The following NR6A1 variants were observed in gnomAD, a reference collection of about 807,000 sequenced individuals.
The protein encoded by NR6A1 is nuclear receptor subfamily 6 group A member 1.
A neutral mutation model predicts 59.1 loss-of-function variants in NR6A1; 7 were observed. That is an observed-to-expected ratio of 0.12 (90% CI 0.07 to 0.22). NR6A1 has a LOEUF of 0.22. Among genes scored for constraint, NR6A1 ranks in the 10% least tolerant of loss-of-function variants. The probability of loss-of-function intolerance (pLI) is 1.00; values close to 1 mark genes in which losing one functional copy is unlikely to be tolerated. For missense variants in NR6A1, 468 were observed against 611.6 expected, an observed-to-expected ratio of 0.77 and a Z score of 2.48; for synonymous variants, 243 against 236.1, an observed-to-expected ratio of 1.03 and a Z score of -0.27.
intron 2 of NR6A1, among the ~76,000 whole-genome samples, chr9:124,588,736 C>T (rs1267416724): frequency 6.8e-6 from 1 of 146,990 alleles, no homozygotes; most frequent in Admixed American, 6.7e-5. Context: ...TGGCTAACAA[C>T]GTGAAACCCC....
intron 2 of NR6A1, among the ~76,000 whole-genome samples, chr9:124,560,364 G>A (rs1834049527): frequency 6.6e-6 from 1 of 151,844 alleles, no homozygotes; most frequent in South Asian, 2.1e-4. Flanking sequence ...GAAATATTTG[G>A]GGATCTGGGT....
intron 2 of NR6A1, among the ~76,000 whole-genome samples, chr9:124,629,991 C>T (rs115256562): frequency 1.2e-3 from 181 of 152,258 alleles, no homozygotes; most frequent in African/African-American, 3.8e-3. Flanking sequence ...TTTTGAGATA[C>T]TAAAGTAGTA....
chr9:124,720,127 G>A (rs188512136), intron 2 of NR6A1, among the ~76,000 whole-genome samples: 160 of 151,924 alleles, frequency 1.1e-3, no homozygotes, highest in African/African-American at 3.4e-3. Context: ...AGCTCACTGC[G>A]GCCTCCACCT....
intron 5 of NR6A1, among the ~76,000 whole-genome samples, chr9:124,539,348 A>G (rs1358562700): frequency 3.3e-5 from 5 of 152,222 alleles, no homozygotes; most frequent in Non-Finnish European, 7.3e-5. Flanking sequence ...CATAATGTCC[A>G]TGGCCATAGC....
chr9:124,583,765 T>A (rs978761077), intron 2 of NR6A1, among the ~76,000 whole-genome samples: 2 of 152,160 alleles, frequency 1.3e-5, no homozygotes, highest in Admixed American at 6.6e-5. Context: ...CTGGCAAACA[T>A]CTATCAGTCT....
At chr9:124,559,272 C>T (rs750221788) in intron 2 of NR6A1, among the ~76,000 whole-genome samples, 15 of 152,204 alleles carry the variant, frequency 9.9e-5, no homozygotes, top group Non-Finnish European at 1.8e-4. Context: ...TTGCCCCATA[C>T]TCTTACTTGC....
At chr9:124,527,757 TAGGAGTGAGCTCTCTG>T (rs11283882) in intron 7 of NR6A1, among the ~76,000 whole-genome samples, 3,587 of 152,298 alleles carry the variant, frequency 0.024, 128 homozygotes, top group African/African-American at 0.081. Flanking sequence ...TCTTTGGGTC[TAGGAGTGAGCTCTCTG>T]AGGAAAGACC....
At chr9:124,655,666 G>A (rs1837237204) in intron 2 of NR6A1, among the ~76,000 whole-genome samples, 2 of 152,128 alleles carry the variant, frequency 1.3e-5, no homozygotes, top group African/African-American at 2.4e-5. Context: ...GTATGTATTA[G>A]GTGTCATCCA....
intron 1 of NR6A1, among the ~76,000 whole-genome samples, chr9:124,746,550 T>C (rs1398909400): frequency 2.0e-5 from 3 of 151,864 alleles, no homozygotes; most frequent in Non-Finnish European, 2.9e-5. Context: ...GATTGCCTAC[T>C]GCACTCCAGC....
At position 124,543,464 on chromosome 9, in the gene NR6A1, G is replaced by A. The variant is rs202060891; in HGVS notation, c.441+338C>T. ...ATATTTTTTAGATGAAATGAACAAA[G>A]CAAAGTAGTCTTGCTCATTTCTGCC... On this transcript the variant is annotated intron_variant, in intron 4 of 9. Transcript: ENST00000487099. 1.1e-4 allele frequency among the ~76,000 whole-genome samples: 16 copies of A among 152,224 alleles called. No homozygotes were observed. The East Asian group carries it at 2.1e-3, about 20-fold the overall frequency.
rs922378385 is a variant in NR6A1 at position 124,666,275 on chromosome 9, C to CTTTTTTT, written c.142+67026_142+67032dup. 1.6e-3 allele frequency among the ~76,000 whole-genome samples: 164 copies of CTTTTTTT among 103,038 alleles called. 11 individuals are homozygous for CTTTTTTT. The highest frequency in any genetic ancestry group is 6.4e-3 in the African/African-American group (147 of 23,002). 67.6% of individuals were successfully genotyped at this position (103,038 alleles called of 152,430 possible). On this transcript the variant is annotated intron_variant, in intron 2 of 9. Coordinates refer to ENST00000487099, the MANE Select transcript of NR6A1 (RefSeq NM_033334.4). ...TTGGCGGAATTACCTCTATGTGGTTCTTTTTTTTTTTTTTTTTTTTTGAGA... is the reference window on the plus strand; with the variant it reads ...TTGGCGGAATTACCTCTATGTGGTTCTTTTTTTTTTTTTTTTTTTTTTTTTTTTGAGA...
At chr9:124,604,568 G>C (rs1385233754) in intron 2 of NR6A1, among the ~76,000 whole-genome samples, 1 of 152,178 alleles carries the variant, frequency 6.6e-6, no homozygotes, top group East Asian at 1.9e-4. Context: ...CCGCACTTTG[G>C]GACGCTGAGG....
At chr9:124,534,178 T>G (rs1197222064) in intron 7 of NR6A1, among the ~76,000 whole-genome samples, 2 of 151,776 alleles carry the variant, frequency 1.3e-5, no homozygotes, top group South Asian at 2.1e-4. Context: ...GTTCAAGCGA[T>G]TCTCCTGCCT....
chr9:124,768,411 T>G (rs1021759291), intron 1 of NR6A1, among the ~76,000 whole-genome samples: 1 of 152,190 alleles, frequency 6.6e-6, no homozygotes, highest in Admixed American at 6.5e-5. Context: ...TTAAAAAAAT[T>G]TTTGGCAATT....
chr9:124,578,073 A>AT (rs1239793392), intron 2 of NR6A1, among the ~76,000 whole-genome samples: 11 of 152,322 alleles, frequency 7.2e-5, no homozygotes, highest in African/African-American at 2.6e-4. Flanking sequence ...CCAAGACAAT[A>AT]GTCTTCTGCT....
At position 124,689,671 on chromosome 9, in the gene NR6A1, A is replaced by G. The variant is rs527895344; in HGVS notation, c.142+43637T>C. Among the ~76,000 whole-genome samples, 3 of 152,250 alleles carry G rather than the reference A, an allele frequency of 2.0e-5. No individual in the cohort carries two copies. In the South Asian group the frequency reaches 6.2e-4, roughly 32 times the overall value. ...TGAGACATTAATCTCACTACTCACC[A>G]TTACCTAAACATTTCTGCCTCTAAG... On this transcript the variant is annotated intron_variant, in intron 2 of 9. Coordinates refer to ENST00000487099, the MANE Select transcript of NR6A1 (RefSeq NM_033334.4).
intron 2 of NR6A1, among the ~76,000 whole-genome samples, chr9:124,642,336 C>A (rs1209738487): frequency 1.3e-5 from 2 of 152,224 alleles, no homozygotes; most frequent in Non-Finnish European, 2.9e-5. Flanking sequence ...AGGCGTGAGG[C>A]ACTGCGCCCA....
At chr9:124,664,092 A>G (rs1837529294) in intron 2 of NR6A1, among the ~76,000 whole-genome samples, 1 of 152,234 alleles carries the variant, frequency 6.6e-6, no homozygotes, top group Admixed American at 6.5e-5. Flanking sequence ...TCTTAAAATC[A>G]AAGATTTAAG....
At chr9:124,684,232 G>A (rs887704829) in intron 2 of NR6A1, among the ~76,000 whole-genome samples, 2 of 152,196 alleles carry the variant, frequency 1.3e-5, no homozygotes, top group Non-Finnish European at 2.9e-5. Context: ...GATGAAGGAT[G>A]CATCACCAAC....
Sources: gnomAD v4.1 joint callset for allele counts (sites outside exome capture counted in the v4.1 genomes callset) on GRCh38, gnomAD v4.1.1 for gene constraint, MANE v1.5 for transcripts, NCBI Gene and HGNC (gene_info 2026-07-23, HGNC 2026-07-21) for gene names.